The following TAFA2 variants were observed in gnomAD, a reference collection of about 807,000 sequenced individuals.
TAFA2 encodes the protein TAFA chemokine like family member 2, also known as chemokine-like protein TAFA-2.
TAFA2 carries 7 observed loss-of-function variants against 18.8 expected under a neutral mutation model. That is an observed-to-expected ratio of 0.37 (90% CI 0.21 to 0.70). TAFA2 has a LOEUF of 0.70. Ranked by LOEUF, TAFA2 falls within the 30% of genes least tolerant of loss-of-function variation. The probability of loss-of-function intolerance (pLI) is 0.53; values close to 1 mark genes in which losing one functional copy is unlikely to be tolerated. For missense variants in TAFA2, 122 were observed against 158.1 expected (o/e 0.77, Z 1.23); for synonymous variants, 60 against 54.2 (o/e 1.11, Z -0.47).
chr12:61,962,750 A>G (rs1878931145), intron 1 of TAFA2, among the ~76,000 whole-genome samples: 1 of 151,850 alleles, frequency 6.6e-6, no homozygotes, highest in Non-Finnish European at 1.5e-5. Context: ...ATCTGTATTA[A>G]ATTTTTTTTA....
chr12:62,193,737 T>C (rs1033161420), upstream of TAFA2, among the ~76,000 whole-genome samples: 3 of 152,242 alleles, frequency 2.0e-5, no homozygotes, highest in Non-Finnish European at 4.4e-5. Context: ...AACTTACTAT[T>C]TGAGCTGGGG....
intron 1 of TAFA2, among the ~76,000 whole-genome samples, chr12:61,967,149 G>C (rs1446438598): frequency 6.6e-6 from 1 of 151,810 alleles, no homozygotes; most frequent in East Asian, 1.9e-4. Flanking sequence ...TGTGACATTT[G>C]AGTGCATCTT....
intron 1 of TAFA2, among the ~76,000 whole-genome samples, chr12:62,175,464 T>A (rs2062506257): frequency 6.6e-6 from 1 of 152,198 alleles, no homozygotes; most frequent in South Asian, 2.1e-4. Context: ...GAAAGATACC[T>A]GAAATGCCTA....
intron 1 of TAFA2, among the ~76,000 whole-genome samples, chr12:62,206,709 C>A (rs1478421950): frequency 6.6e-6 from 1 of 152,078 alleles, no homozygotes; most frequent in South Asian, 2.1e-4. Context: ...AACTTCTGGG[C>A]TCAAGTGGTC....
chr12:61,897,865 C>T (rs1416805795), intron 1 of TAFA2, among the ~76,000 whole-genome samples: 6 of 152,208 alleles, frequency 3.9e-5, no homozygotes, highest in Admixed American at 3.3e-4. Context: ...ACCCAAAACT[C>T]CAAGTCAAAA....
chr12:61,952,255 A>G (rs1474879014), intron 1 of TAFA2, among the ~76,000 whole-genome samples: 1 of 152,096 alleles, frequency 6.6e-6, no homozygotes, highest in African/African-American at 2.4e-5. Context: ...TGTCCCACCT[A>G]TTAATATTTC....
intron 1 of TAFA2, among the ~76,000 whole-genome samples, chr12:61,938,925 G>C (rs963216542): frequency 2.6e-5 from 4 of 151,752 alleles, no homozygotes; most frequent in Non-Finnish European, 5.9e-5. Flanking sequence ...GTGGGAGGTG[G>C]GTGAGGGATT....
At position 61,711,548 on chromosome 12, in the gene TAFA2, CTGTT is replaced by C. The variant is rs532128097; in HGVS notation, c.385-1135_385-1132del. Among the ~76,000 whole-genome samples, 394 of 152,128 alleles carry C rather than the reference CTGTT, an allele frequency of 2.6e-3. 5 individuals carry two copies. Among genetic ancestry groups the C allele is most frequent in the African/African-American group, 8.6e-3 (356 of 41,550 alleles). ...GTCCTTTGAAAAACATTACAAAAGTCTGTTTGGTTTCATTGTTTTCTGATCAATT... is the reference window on the plus strand; with the variant it reads ...GTCCTTTGAAAAACATTACAAAAGTCTGGTTTCATTGTTTTCTGATCAATT... On this transcript the variant is annotated intron_variant, in intron 4 of 4. Coordinates refer to ENST00000416284, the MANE Select transcript of TAFA2 (RefSeq NM_178539.5).
intron 1 of TAFA2, among the ~76,000 whole-genome samples, chr12:61,982,682 T>C (rs568632998): frequency 4.7e-4 from 71 of 152,160 alleles, no homozygotes; most frequent in African/African-American, 1.4e-3. Context: ...CAAGTACCTC[T>C]CCCAGCAACA....
At position 61,753,670 on chromosome 12, in the gene TAFA2, A is replaced by G; in HGVS notation, c.336T>C (p.Asp112=). 1 of 1,612,702 alleles carries G rather than the reference A, an allele frequency of 6.2e-7. No homozygotes were observed. The highest frequency in any genetic ancestry group is 8.5e-7 in the Non-Finnish European group (1 of 1,179,170). ...LEGEECKVLP[D]RKGWSCSSGN... ...CAGAGGAACAGCTCCATCCTTTCCG[A>G]TCCGGAAGAACTTTACATTCTTCTC... The change falls in exon 4 of 5, where the codon GAT becomes GAC. Residue 112 remains aspartate, a synonymous_variant. Transcript: ENST00000416284.
intron 1 of TAFA2, among the ~76,000 whole-genome samples, chr12:62,189,940 TTGTGTGTGTGTGTG>T (rs10643306): frequency 3.5e-5 from 5 of 141,926 alleles, no homozygotes; most frequent in Non-Finnish European, 6.1e-5. Flanking sequence ...TGAGTTTGCT[TTGTGTGTGTGTGTG>T]TGTGTGTGTG....
At chr12:61,901,760 T>C (rs1876110612) in intron 1 of TAFA2, among the ~76,000 whole-genome samples, 1 of 152,152 alleles carries the variant, frequency 6.6e-6, no homozygotes, top group African/African-American at 2.4e-5. Flanking sequence ...TAATTATCTG[T>C]CTCACACAAC....
intron 2 of TAFA2, among the ~76,000 whole-genome samples, chr12:61,801,824 C>T (rs1410005470): frequency 1.3e-5 from 2 of 151,980 alleles, no homozygotes; most frequent in African/African-American, 4.8e-5. Context: ...GATGAGATAA[C>T]CTATAGAATG....
chr12:61,771,668 A>C (rs776071518), intron 2 of TAFA2, among the ~76,000 whole-genome samples: 2 of 151,982 alleles, frequency 1.3e-5, no homozygotes, highest in Non-Finnish European at 2.9e-5. Context: ...AATTTTAAAA[A>C]TTACTTGAAC....
intron 1 of TAFA2, among the ~76,000 whole-genome samples, chr12:62,185,405 T>G (rs1250663148): frequency 6.6e-6 from 1 of 152,148 alleles, no homozygotes; most frequent in Non-Finnish European, 1.5e-5. Context: ...TAGAGCTATT[T>G]CACTCAATTT....
intron 1 of TAFA2, among the ~76,000 whole-genome samples, chr12:62,066,046 G>C (rs1362606250): frequency 1.3e-5 from 2 of 151,222 alleles, no homozygotes; most frequent in Non-Finnish European, 3.0e-5. Context: ...TAGTAACTGA[G>C]AATTAGTAAC....
Position 62,084,469 on chromosome 12 carries a change from CAG to C in TAFA2, c.-2+106788_-2+106789del, listed in dbSNP as rs1868376766. ...GGGTCTCTTGGCATATTTACTAACGCAGAGTCAAAAATGTTTGCCAAAGCAGT... is the reference window on the plus strand; with the variant it reads ...GGGTCTCTTGGCATATTTACTAACGCAGTCAAAAATGTTTGCCAAAGCAGT... On this transcript the variant is annotated intron_variant, in intron 1 of 4. Transcript: ENST00000416284. Among the ~76,000 whole-genome samples the C allele has an allele frequency of 5.9e-5, 9 of 152,240 alleles. No homozygotes were observed. In the South Asian group the frequency reaches 1.9e-3, roughly 32 times the overall value.
At chr12:61,838,906 C>T (rs758457942) in intron 2 of TAFA2, among the ~76,000 whole-genome samples, 5 of 151,946 alleles carry the variant, frequency 3.3e-5, no homozygotes, top group Non-Finnish European at 7.4e-5. Context: ...TGGTTGAAAC[C>T]AGGGATGCTA....
chr12:62,086,161 A>G (rs531269874), intron 1 of TAFA2, among the ~76,000 whole-genome samples: 2 of 150,866 alleles, frequency 1.3e-5, no homozygotes, highest in South Asian at 2.1e-4. Flanking sequence ...GGACTAAGAC[A>G]GTCTCAAAAA....
Sources: gnomAD v4.1 joint callset for allele counts (sites outside exome capture counted in the v4.1 genomes callset) on GRCh38, gnomAD v4.1.1 for gene constraint, MANE v1.5 for transcripts, NCBI Gene and HGNC (gene_info 2026-07-23, HGNC 2026-07-21) for gene names.